HSD17B12: variants seen among roughly 807,000 people sequenced by gnomAD.
HSD17B12 encodes the protein hydroxysteroid 17-beta dehydrogenase 12, also known as very-long-chain 3-oxoacyl-CoA reductase.
A neutral mutation model predicts 39.3 loss-of-function variants in HSD17B12; 32 were observed. The observed-to-expected ratio is 0.81, with a 90% CI of 0.61 to 1.09. The LOEUF (loss-of-function observed/expected upper bound fraction) is 1.09, where lower values mean the gene tolerates loss of function less well. Ranked by LOEUF, HSD17B12 falls within the 50% of genes least tolerant of loss-of-function variation. HSD17B12 has a pLI of 0.00. For missense variants in HSD17B12, 342 were observed against 382.9 expected, an observed-to-expected ratio of 0.89 and a Z score of 0.89; for synonymous variants, 150 against 146.7, an observed-to-expected ratio of 1.02 and a Z score of -0.16.
At chr11:43,727,179 C>T (rs1214313436) in intron 1 of HSD17B12, among the ~76,000 whole-genome samples, 1 of 152,126 alleles carries the variant, frequency 6.6e-6, no homozygotes, top group East Asian at 1.9e-4. Context: ...GCCAAGAGGC[C>T]CCCTGAAGCT....
At chr11:43,578,650 G>T in the HSD17B12 span, among the ~76,000 whole-genome samples, 1 of 152,058 alleles carries the variant, frequency 6.6e-6, no homozygotes, top group Non-Finnish European at 1.5e-5. Flanking sequence ...CCTGCAAGTT[G>T]CGTGGTTGTG....
At chr11:43,762,904 C>T (rs529907242) in intron 3 of HSD17B12, among the ~76,000 whole-genome samples, 25 of 152,298 alleles carry the variant, frequency 1.6e-4, no homozygotes, top group African/African-American at 5.8e-4. Context: ...ATTAATTACA[C>T]CTTGCCTACA....
At chr11:43,845,134 C>A (rs1951462935) in intron 9 of HSD17B12, among the ~76,000 whole-genome samples, 1 of 152,174 alleles carries the variant, frequency 6.6e-6, no homozygotes, top group South Asian at 2.1e-4. Flanking sequence ...GCTAGGACCG[C>A]AGGCACATGC....
At chr11:43,589,949 G>A in the HSD17B12 span, among the ~76,000 whole-genome samples, 1 of 152,202 alleles carries the variant, frequency 6.6e-6, no homozygotes, top group Non-Finnish European at 1.5e-5. Context: ...AGATCGTTAG[G>A]AAGATGAAAT....
intron 4 of HSD17B12, among the ~76,000 whole-genome samples, chr11:43,810,596 T>G (rs897463599): frequency 6.6e-6 from 1 of 152,062 alleles, no homozygotes; most frequent in Non-Finnish European, 1.5e-5. Context: ...TTCCACTTCC[T>G]TTGGCATTAT....
intron 3 of HSD17B12, among the ~76,000 whole-genome samples, chr11:43,792,682 C>CTT (rs60140879): frequency 0.09 from 9,110 of 101,262 alleles, 787 homozygotes; most frequent in Middle Eastern, 0.15. Context: ...TCAATGTAAC[C>CTT]TTTTTTTTTT....
intron 4 of HSD17B12, among the ~76,000 whole-genome samples, chr11:43,806,014 T>C (rs1305956426): frequency 2.0e-5 from 3 of 152,192 alleles, no homozygotes; most frequent in Non-Finnish European, 4.4e-5. Flanking sequence ...AGAGAAACCA[T>C]AGGGCAAGGT....
intron 1 of HSD17B12, among the ~76,000 whole-genome samples, chr11:43,726,820 C>G (rs954986710): frequency 3.3e-5 from 5 of 152,106 alleles, no homozygotes; most frequent in African/African-American, 9.7e-5. Flanking sequence ...AAGCTGCCAG[C>G]CTTGTCAAAA....
chr11:43,732,284 A>G (rs898108675), intron 1 of HSD17B12, among the ~76,000 whole-genome samples: 3 of 152,158 alleles, frequency 2.0e-5, no homozygotes, highest in African/African-American at 7.2e-5. Flanking sequence ...ACTATGAGTC[A>G]ATGAAATCTC....
intron 6 of HSD17B12, among the ~76,000 whole-genome samples, chr11:43,826,889 G>T (rs72894465): frequency 0.045 from 6,853 of 152,298 alleles, 239 homozygotes; most frequent in Middle Eastern, 0.18. Flanking sequence ...ACCAGGCATT[G>T]TGTAACACTG....
At chr11:43,715,911 T>A (rs1190847447) in intron 1 of HSD17B12, among the ~76,000 whole-genome samples, 1 of 152,174 alleles carries the variant, frequency 6.6e-6, no homozygotes, top group East Asian at 1.9e-4. Flanking sequence ...AGGTGATAGG[T>A]GTATCTGGGA....
the HSD17B12 span, among the ~76,000 whole-genome samples, chr11:43,631,833 G>A: frequency 5.3e-5 from 8 of 152,132 alleles, no homozygotes; most frequent in African/African-American, 1.7e-4. Context: ...GACTCTCCAG[G>A]GAGTTGGTCA....
the HSD17B12 span, among the ~76,000 whole-genome samples, chr11:43,608,475 A>T: frequency 6.6e-6 from 1 of 151,954 alleles, no homozygotes; most frequent in Admixed American, 6.6e-5. Context: ...AATACCTATA[A>T]CCCTACCACC....
chr11:43,775,838 T>C (rs1053741562), intron 3 of HSD17B12, among the ~76,000 whole-genome samples: 1 of 146,636 alleles, frequency 6.8e-6, no homozygotes, highest in African/African-American at 2.5e-5. Flanking sequence ...AATTCCCACC[T>C]ATGAGTGAGA....
chr11:43,727,965 C>T (rs1950235756), intron 1 of HSD17B12, among the ~76,000 whole-genome samples: 2 of 151,688 alleles, frequency 1.3e-5, no homozygotes, highest in African/African-American at 2.4e-5. Context: ...GTTTTTCTGT[C>T]TGAGGCTTTA....
At chr11:43,753,955 TG>T in intron 2 of HSD17B12, 90 bp from the exon 3 acceptor site, 1 of 727,732 alleles carries the variant, frequency 1.4e-6, no homozygotes, top group Non-Finnish European at 2.3e-6. Flanking sequence ...AACTATCATC[TG>T]GACAGGTTTT....
chr11:43,680,762 GCCT>G lies in HSD17B12; in HGVS notation c.-59_-57del, dbSNP rs1416015634. The G allele has an allele frequency of 7.0e-7, 1 of 1,433,678 alleles. No homozygotes were observed. Among genetic ancestry groups the G allele is most frequent in the African/African-American group, 1.4e-5 (1 of 71,518 alleles). 88.8% of individuals were successfully genotyped at this position (1,433,678 alleles called of 1,614,324 possible). A position where few individuals can be genotyped will look rare whatever the true frequency, so the allele number is the denominator to read the frequency against. ...TGTCATCCTCACCGTCACGGCCGGCGCCTCCTCCTGGATTCATTCACTCGCTCT... is the reference window on the plus strand; with the variant it reads ...TGTCATCCTCACCGTCACGGCCGGCGCCTCCTGGATTCATTCACTCGCTCT... On this transcript the variant is annotated 5_prime_UTR_variant, in exon 1 of 11. Transcript: ENST00000278353.
the HSD17B12 span, among the ~76,000 whole-genome samples, chr11:43,656,481 A>C: frequency 5.3e-5 from 8 of 151,932 alleles, no homozygotes; most frequent in Non-Finnish European, 8.8e-5. Context: ...TAGGTCTTTT[A>C]ATTGTGATGT....
chr11:43,833,469 G>A (rs535355796), intron 7 of HSD17B12: 1 of 152,274 alleles, frequency 6.6e-6, no homozygotes, highest in South Asian at 2.1e-4. Context: ...TTTAAGGGAA[G>A]TTTCACTTCT....
Sources: allele counts gnomAD v4.1 joint callset (sites outside exome capture counted in the v4.1 genomes callset), GRCh38; gene constraint gnomAD v4.1.1; transcripts MANE v1.5; gene names NCBI Gene and HGNC (gene_info 2026-07-23, HGNC 2026-07-21).